CPLANE1: variants seen among roughly 807,000 people sequenced by gnomAD.
The protein encoded by CPLANE1 is ciliogenesis and planar polarity effector complex subunit 1.
In CPLANE1, 263 loss-of-function variants were observed where a neutral mutation model predicts 362.5. The observed-to-expected ratio is 0.73, with a 90% CI of 0.66 to 0.80. The LOEUF is 0.80. Among genes scored for constraint, CPLANE1 ranks in the 30% least tolerant of loss-of-function variants. CPLANE1 has a pLI of 0.00. For missense variants in CPLANE1, 3,461 were observed against 3,793.4 expected (o/e 0.91, Z 2.30); for synonymous variants, 1,212 against 1,302.6 (o/e 0.93, Z 1.50).
intron 46 of CPLANE1, among the ~76,000 whole-genome samples, chr5:37,126,417 G>A (rs576050636): frequency 1.2e-4 from 19 of 152,190 alleles, no homozygotes; most frequent in African/African-American, 4.6e-4. Flanking sequence ...TGGGTGACTT[G>A]GCCTGAGGTT....
At position 37,125,310 on chromosome 5, in the gene CPLANE1, C is replaced by G; in HGVS notation, c.8892G>C (p.Lys2964Asn). The change falls in exon 47 of 53, where the codon AAG becomes AAC. Residue 2964 changes from lysine to asparagine, a missense_variant. Around this residue, in one of 2 missense-constraint regions of CPLANE1, gnomAD observed 3,380 missense variants for 3,666.1 expected, o/e 0.92. Coordinates refer to ENST00000651892, the MANE Select transcript of CPLANE1 (RefSeq NM_001384732.1). ...TCTTTTCTGCCAGCTCATTTAAGTA[C>G]TTTGCCATTCTTTCTTTTCGTTTTC... ...MKRKRKERMA[K>N]YLNELAEKRG... 1.9e-6 allele frequency: 3 copies of G among 1,613,964 alleles called. No individual in the cohort carries two copies. The East Asian group carries it at 6.7e-5, about 36-fold the overall frequency.
chr5:37,217,263 T>C (rs901083632), intron 15 of CPLANE1, among the ~76,000 whole-genome samples: 1 of 152,236 alleles, frequency 6.6e-6, no homozygotes, highest in South Asian at 2.1e-4. Flanking sequence ...ATAAAAGTTA[T>C]TGTCACAGAA....
Position 37,106,844 on chromosome 5 carries a change from T to G in CPLANE1, c.*758A>C. ...GTAGTTGAAGGATACTGGTTCTTAGTCAATTCTCATAAAAATTATCTCTTA... is the reference window on the plus strand; with the variant it reads ...GTAGTTGAAGGATACTGGTTCTTAGGCAATTCTCATAAAAATTATCTCTTA... On this transcript the variant is annotated 3_prime_UTR_variant, in exon 53 of 53. Coordinates refer to ENST00000651892, the MANE Select transcript of CPLANE1 (RefSeq NM_001384732.1). 1.0e-6 allele frequency: 1 copy of G among 983,634 alleles called. No individual in the cohort carries two copies. Among genetic ancestry groups the G allele is most frequent in the Non-Finnish European group, 1.2e-6 (1 of 828,310 alleles). 60.9% of individuals were successfully genotyped at this position (983,634 alleles called of 1,614,324 possible). A position where few individuals can be genotyped will look rare whatever the true frequency, so the allele number is the denominator to read the frequency against.
chr5:37,196,163 A>G (rs1787362251), intron 20 of CPLANE1, among the ~76,000 whole-genome samples, 167 bp from the exon 21 acceptor site: 1 of 130,594 alleles, frequency 7.7e-6, no homozygotes, highest in Admixed American at 8.8e-5. Flanking sequence ...CAGGAAAGTC[A>G]CTAGCTTGTT....
At chr5:37,177,464 C>G (rs1275468218) in intron 30 of CPLANE1, among the ~76,000 whole-genome samples, 157 bp downstream of exon 30, 2 of 152,068 alleles carry the variant, frequency 1.3e-5, no homozygotes, top group African/African-American at 2.4e-5. Flanking sequence ...ATAACATTTA[C>G]CAAAAATCAT....
chr5:37,139,931 G>C, intron 44 of CPLANE1: 1 of 984,526 alleles, frequency 1.0e-6, no homozygotes, highest in African/African-American at 1.7e-5. Flanking sequence ...TTAGTACACA[G>C]TTTAGAGTAC....
At chr5:37,094,524 A>C in the CPLANE1 span, among the ~76,000 whole-genome samples, 1 of 152,226 alleles carries the variant, frequency 6.6e-6, no homozygotes, top group Non-Finnish European at 1.5e-5. Context: ...CACTTCAAGG[A>C]GCTAGAGAAA....
Position 37,180,034 on chromosome 5 carries a change from T to C in CPLANE1, c.5720A>G (p.His1907Arg). The C allele has an allele frequency of 5.1e-6, 8 of 1,568,604 alleles. No individual in the cohort carries two copies. The highest frequency in any genetic ancestry group is 6.0e-6 in the Non-Finnish European group (7 of 1,159,238). ...GAACTGACCTTCATAGTCTGATATGTGCATATCCATTTCCTCTTCTGTAAA... is the reference window on the plus strand; with the variant it reads ...GAACTGACCTTCATAGTCTGATATGCGCATATCCATTTCCTCTTCTGTAAA... ...EAFTEEEMDMHISDYEEDIEE... is the reference protein window; with the variant it reads ...EAFTEEEMDMRISDYEEDIEE... Residue 1907 changes from histidine (H) to arginine (R), a missense_variant, in exon 28 of 53, where the codon CAC becomes CGC. His to Arg is a conservative substitution (Grantham distance 29, BLOSUM62 0). Coordinates refer to ENST00000651892, the MANE Select transcript of CPLANE1 (RefSeq NM_001384732.1).
intron 5 of CPLANE1, 34 bp downstream of exon 5, chr5:37,244,341 T>G: frequency 1.4e-6 from 2 of 1,430,512 alleles, no homozygotes; most frequent in South Asian, 2.6e-5. Context: ...TCTGCTAATC[T>G]GCTTCACAGA....
intron 1 of CPLANE1, among the ~76,000 whole-genome samples, chr5:37,248,899 C>CT (rs1191294754): frequency 1.3e-5 from 2 of 152,242 alleles, no homozygotes; most frequent in Non-Finnish European, 2.9e-5. Context: ...AATTGACGTT[C>CT]TATTCCTCCG....
chr5:37,094,502 A>C, the CPLANE1 span, among the ~76,000 whole-genome samples: 1 of 152,238 alleles, frequency 6.6e-6, no homozygotes, highest in Non-Finnish European at 1.5e-5. Context: ...ACAGATAGAC[A>C]ATCTAAGGCC....
At chr5:37,148,956 C>A (rs1052743090) in intron 42 of CPLANE1, among the ~76,000 whole-genome samples, 2 of 152,094 alleles carry the variant, frequency 1.3e-5, no homozygotes, top group Admixed American at 6.6e-5. Context: ...GAGGCAAAGG[C>A]AGGAGAATTG....
rs940440264 is a variant in CPLANE1, at chr5:37,158,240, T to C, written c.7796A>G (p.His2599Arg). Residue 2599 changes from histidine (H) to arginine (R), a missense_variant, in exon 39 of 53, where the codon CAT becomes CGT. Transcript: ENST00000651892. ...SEKPWSPSIP[H>R]TVTNLVGHTY... is the part of the protein sequence containing the mutation. ...AACACAAACCAAGTTTGTTACTGTA[T>C]GAGGTATTGAGGGTGACCAAGGTTT... The C allele has an allele frequency of 1.9e-6, 3 of 1,611,050 alleles. No homozygotes were observed. In the African/African-American group the frequency reaches 4.0e-5, roughly 22 times the overall value.
chr5:37,156,604 C>G (rs1275053594), intron 41 of CPLANE1, among the ~76,000 whole-genome samples: 3 of 151,992 alleles, frequency 2.0e-5, no homozygotes, highest in Non-Finnish European at 4.4e-5. Flanking sequence ...GACTCTGTCT[C>G]TAAAAAACAA....
chr5:37,240,638 C>G (rs1800180112), intron 6 of CPLANE1, among the ~76,000 whole-genome samples: 1 of 152,144 alleles, frequency 6.6e-6, no homozygotes, highest in Admixed American at 6.5e-5. Context: ...CACCTTGACC[C>G]AGACATCTCC....
rs1335147958 is a variant in CPLANE1 at position 37,226,459 on chromosome 5, T to C, written c.2136A>G (p.Ala712=). 5 of 1,551,004 alleles carry C rather than the reference T, an allele frequency of 3.2e-6. No homozygotes were observed. The Admixed American group carries it at 7.9e-5, about 24-fold the overall frequency. Residue 712 remains alanine, a synonymous_variant, in exon 12 of 53, where the codon GCA becomes GCG. Coordinates refer to ENST00000651892, the MANE Select transcript of CPLANE1 (RefSeq NM_001384732.1). ...VYILQPEVIS[A]SADGSKITAQ... ...CTGTTATTTTACTTCCATCAGCTGATGCTGAAATAACTTCAGGTTGAAGAA... is the reference window on the plus strand; with the variant it reads ...CTGTTATTTTACTTCCATCAGCTGACGCTGAAATAACTTCAGGTTGAAGAA...
intron 50 of CPLANE1, among the ~76,000 whole-genome samples, chr5:37,115,537 C>T (rs1286684163): frequency 6.6e-6 from 1 of 151,682 alleles, no homozygotes; most frequent in Non-Finnish European, 1.5e-5. Context: ...GGGCAAAAAT[C>T]AGCAGCAGAG....
At position 37,238,888 on chromosome 5, in the gene CPLANE1, T is replaced by C. The variant is rs1799658013; in HGVS notation, c.907A>G (p.Lys303Glu). The C allele has an allele frequency of 2.6e-6, 4 of 1,532,640 alleles. No individual in the cohort carries two copies. Among genetic ancestry groups the C allele is most frequent in the Non-Finnish European group, 3.5e-6 (4 of 1,139,150 alleles). 94.9% of individuals were successfully genotyped at this position (1,532,640 alleles called of 1,614,324 possible). A position where few individuals can be genotyped will look rare whatever the true frequency, so the allele number is the denominator to read the frequency against. Residue 303 changes from lysine (K) to glutamate (E), a missense_variant, in exon 8 of 53, where the codon AAG (lysine) becomes GAG (glutamate). Transcript: ENST00000651892. ...AGTGTAGCTGGAACCACGGGACTCTTGTTACTACATCCTTTAAGGCTACCA... is the reference window on the plus strand; with the variant it reads ...AGTGTAGCTGGAACCACGGGACTCTCGTTACTACATCCTTTAAGGCTACCA... ...LCGSLKGCSN[K>E]SPVVPATLIR...
chr5:37,210,083 G>T, intron 16 of CPLANE1: 1 of 807,670 alleles, frequency 1.2e-6, no homozygotes, highest in Non-Finnish European at 2.1e-6. Flanking sequence ...AGTATGAGAA[G>T]GAATTAGCCG....
Sources: gnomAD v4.1 joint callset for allele counts (sites outside exome capture counted in the v4.1 genomes callset) on GRCh38, gnomAD v4.1.1 for gene constraint, gnomAD v4.1.1 regional missense constraint, MANE v1.5 for transcripts, NCBI Gene and HGNC (gene_info 2026-07-23, HGNC 2026-07-21) for gene names.